NIPAL1: variants seen among roughly 807,000 people sequenced by gnomAD.
The protein encoded by NIPAL1 is NIPA like domain containing 1.
A neutral mutation model predicts 37.7 loss-of-function variants in NIPAL1; 35 were observed. The observed-to-expected ratio is 0.93, with a 90% CI of 0.71 to 1.23. The LOEUF is 1.23. Among genes scored for constraint, NIPAL1 ranks in the 50% most tolerant of loss-of-function variants. The probability of loss-of-function intolerance (pLI) is 0.00; values close to 1 mark genes in which losing one functional copy is unlikely to be tolerated. For missense variants in NIPAL1, 412 were observed against 473.9 expected (o/e 0.87, Z 1.21); for synonymous variants, 162 against 183.0 (o/e 0.89, Z 0.93).
Position 48,036,390 on chromosome 4 carries a change from G to C in NIPAL1, c.*218G>C. On this transcript the variant is annotated 3_prime_UTR_variant, in exon 6 of 6. Transcript: ENST00000295461. ...TACAAACTTTGAAATACTCTCTAAGGATCAAAGAAGTCAAAGAGCTATGTG... is the reference window on the plus strand; with the variant it reads ...TACAAACTTTGAAATACTCTCTAAGCATCAAAGAAGTCAAAGAGCTATGTG... 2.0e-6 allele frequency: 1 copy of C among 493,104 alleles called. No individual in the cohort carries two copies. The allele number at this position is 493,104 out of a possible 1,614,324, so 30.5% of individuals were successfully genotyped here. A position where few individuals can be genotyped will look rare whatever the true frequency, so the allele number is the denominator to read the frequency against.
intron 1 of NIPAL1, among the ~76,000 whole-genome samples, chr4:48,022,434 A>G (rs146625318): frequency 2.1e-3 from 320 of 152,348 alleles, no homozygotes; most frequent in Non-Finnish European, 3.1e-3. Context: ...GCAAAATGCA[A>G]CAGTGATCAT....
Position 48,036,220 on chromosome 4 carries a change from G to A in NIPAL1, c.*48G>A. ...TAACCAATATGAGACACACGAAGAG[G>A]AAAATGAATGCTTGCTTCTTGGAAG... is the stretch of plus-strand genomic sequence containing the variant. On this transcript the variant is annotated 3_prime_UTR_variant, in exon 6 of 6. Transcript: ENST00000295461. The A allele has an allele frequency of 6.7e-7, 1 of 1,495,692 alleles. No individual in the cohort carries two copies. The allele number at this position is 1,495,692 out of a possible 1,614,324, so 92.7% of individuals were successfully genotyped here. A position where few individuals can be genotyped will look rare whatever the true frequency, so the allele number is the denominator to read the frequency against.
At chr4:48,023,933 C>T (rs1475321618) in intron 1 of NIPAL1, among the ~76,000 whole-genome samples, 1 of 151,230 alleles carries the variant, frequency 6.6e-6, no homozygotes, top group African/African-American at 2.4e-5. Flanking sequence ...TCATACCCAC[C>T]AAATGACTCA....
At position 48,025,481 on chromosome 4, in the gene NIPAL1, C is replaced by G. The variant is rs1214685107; in HGVS notation, c.313+147C>G. ...ATGGATGTTAGAAAAATACTTAGGT[C>G]TTTGATTAAAATGAATAGAAAACTC... On this transcript the variant is annotated intron_variant, in intron 2 of 5. Coordinates refer to ENST00000295461, the MANE Select transcript of NIPAL1 (RefSeq NM_207330.3). 14 of 780,308 alleles carry G rather than the reference C, an allele frequency of 1.8e-5. No homozygotes were observed. In the South Asian group the frequency reaches 1.9e-4, roughly 11 times the overall value. 48.3% of individuals were successfully genotyped at this position (780,308 alleles called of 1,614,324 possible).
chr4:48,019,976 T>C (rs1169482793), intron 1 of NIPAL1, among the ~76,000 whole-genome samples: 2 of 152,228 alleles, frequency 1.3e-5, no homozygotes, highest in Non-Finnish European at 2.9e-5. Context: ...AAAAAATATA[T>C]TCCTTGATGC....
intron 1 of NIPAL1, among the ~76,000 whole-genome samples, chr4:48,022,437 G>A (rs1223992017): frequency 6.6e-6 from 1 of 152,188 alleles, no homozygotes; most frequent in Non-Finnish European, 1.5e-5. Context: ...AAATGCAACA[G>A]TGATCATTTG....
intron 2 of NIPAL1, among the ~76,000 whole-genome samples, chr4:48,029,750 C>T (rs1715780107): frequency 6.6e-6 from 1 of 152,110 alleles, no homozygotes; most frequent in Non-Finnish European, 1.5e-5. Flanking sequence ...ATGTAAAGTT[C>T]TTTAAAAAAT....
chr4:48,037,719 G>A lies in NIPAL1; in HGVS notation c.*1547G>A, dbSNP rs1715986124. 1 of 152,162 alleles carries A rather than the reference G, an allele frequency of 6.6e-6. No homozygotes were observed. The highest frequency in any genetic ancestry group is 6.5e-5 in the Admixed American group (1 of 15,274). The allele number at this position is 152,162 out of a possible 1,614,324, so 9.4% of individuals were successfully genotyped here. The stretch of plus-strand genomic sequence containing the variant: ...AAATACTAAGATCTCAGGGGCTACT[G>A]CAGGAAAATACCTTTTTCGCACATT... On this transcript the variant is annotated 3_prime_UTR_variant, in exon 6 of 6. Transcript: ENST00000295461.
chr4:48,034,981 G>GCC lies in NIPAL1; in HGVS notation c.565_566dup (p.Gln190HisfsTer14). The GCC allele has an allele frequency of 6.2e-7, 1 of 1,613,704 alleles. No individual in the cohort carries two copies. Among genetic ancestry groups the GCC allele is most frequent in the African/African-American group, 1.3e-5 (1 of 75,032 alleles). On this transcript the variant is annotated frameshift_variant, in exon 5 of 6. Coordinates refer to ENST00000295461, the MANE Select transcript of NIPAL1 (RefSeq NM_207330.3). LOFTEE classifies it high-confidence loss of function. ...GGGGTCAACTGTGATGGTTATCCAT[G>GCC]CCCCACAAGAAGAGGAAGTCACATC...
intron 2 of NIPAL1, among the ~76,000 whole-genome samples, chr4:48,029,270 C>T (rs914575167): frequency 6.6e-6 from 1 of 152,160 alleles, no homozygotes; most frequent in Non-Finnish European, 1.5e-5. Flanking sequence ...ATATCTTTTG[C>T]AGCAACATGG....
chr4:48,031,195 C>A (rs1277571887), intron 3 of NIPAL1, among the ~76,000 whole-genome samples: 1 of 151,650 alleles, frequency 6.6e-6, no homozygotes, highest in Admixed American at 6.6e-5. Flanking sequence ...CTCCCGAGTA[C>A]CTGGGATTAC....
chr4:48,034,849 A>T, intron 4 of NIPAL1, 32 bp from the exon 5 acceptor site: 1 of 1,557,068 alleles, frequency 6.4e-7, no homozygotes, highest in Non-Finnish European at 8.8e-7. Flanking sequence ...TAATTGAGCT[A>T]TAGTGATTTT....
rs752680917 is a variant in NIPAL1, at chr4:48,034,941, C to T, written c.522C>T (p.Cys174=). Residue 174 remains cysteine (C), a synonymous_variant, in exon 5 of 6, where the codon TGC becomes TGT. Transcript: ENST00000295461. ...EHLNIHGKIG[C]ILSILGSTVM... is the part of the protein sequence containing the mutation. The stretch of plus-strand genomic sequence containing the variant: ...TGAACATTCATGGGAAAATAGGCTG[C>T]ATATTAAGTATATTGGGGTCAACTG... The T allele has an allele frequency of 3.3e-5, 53 of 1,611,556 alleles. No homozygotes were observed. The East Asian group carries it at 9.8e-4, about 30-fold the overall frequency.
At chr4:48,024,856 T>C (rs1338302506) in intron 1 of NIPAL1, among the ~76,000 whole-genome samples, 5 of 152,340 alleles carry the variant, frequency 3.3e-5, no homozygotes, top group East Asian at 3.9e-4. Context: ...TTTTAAATGA[T>C]GACAGCTAAA....
At chr4:48,024,179 A>G (rs1469226869) in intron 1 of NIPAL1, among the ~76,000 whole-genome samples, 1 of 152,156 alleles carries the variant, frequency 6.6e-6, no homozygotes, top group African/African-American at 2.4e-5. Context: ...GGGTTTCACC[A>G]TGTTGGCCAG....
chr4:48,029,684 T>C (rs972539616), intron 2 of NIPAL1, among the ~76,000 whole-genome samples: 5 of 152,182 alleles, frequency 3.3e-5, no homozygotes, highest in Non-Finnish European at 7.3e-5. Context: ...AGACTCAAAT[T>C]TGCAAAGTTT....
At chr4:48,030,290 A>G in intron 3 of NIPAL1, 114 bp downstream of exon 3, 1 of 655,220 alleles carries the variant, frequency 1.5e-6, no homozygotes, top group Non-Finnish European at 2.7e-6. Flanking sequence ...ATGGAATTTA[A>G]GTCTAAACAT....
chr4:48,019,837 C>A (rs1205996839), intron 1 of NIPAL1, among the ~76,000 whole-genome samples: 3 of 152,220 alleles, frequency 2.0e-5, no homozygotes, highest in Non-Finnish European at 2.9e-5. Context: ...CCCACCTACT[C>A]TTTAGCCACA....
Position 48,039,341 on chromosome 4 carries a change from CAAAAAAAA to C in NIPAL1, c.*3176_*3183del, listed in dbSNP as rs199620025. 7.6e-6 allele frequency: 1 copy of C among 131,622 alleles called. No individual in the cohort carries two copies. Among genetic ancestry groups the C allele is most frequent in the Non-Finnish European group, 1.6e-5 (1 of 61,798 alleles). 8.2% of individuals were successfully genotyped at this position (131,622 alleles called of 1,614,324 possible). On this transcript the variant is annotated 3_prime_UTR_variant, in exon 6 of 6. Coordinates refer to ENST00000295461, the MANE Select transcript of NIPAL1 (RefSeq NM_207330.3). ...CCTGGGTAACAGCAAGACTCCGTCT[CAAAAAAAA>C]AAAAAATTCCCAAATAGGAAGATAT...
Sources: gnomAD v4.1 joint callset for allele counts (sites outside exome capture counted in the v4.1 genomes callset) on GRCh38, gnomAD v4.1.1 for gene constraint, MANE v1.5 for transcripts, NCBI Gene and HGNC (gene_info 2026-07-23, HGNC 2026-07-21) for gene names.